Variants in MSI2 observed in about 807,000 individuals in gnomAD.
MSI2 encodes the protein musashi RNA binding protein 2, also known as RNA-binding protein Musashi homolog 2.
Under a neutral mutation model 45.6 loss-of-function variants are expected in MSI2, and 17 were observed. That is an observed-to-expected ratio of 0.37 (90% CI 0.26 to 0.56). MSI2 has a LOEUF of 0.56. Ranked by LOEUF, MSI2 falls within the 20% of genes least tolerant of loss-of-function variation. MSI2 has a pLI of 0.77. For synonymous variants in MSI2, 156 were observed against 158.2 expected (o/e 0.99, Z 0.11); for missense variants, 293 against 444.2 (o/e 0.66, Z 3.06).
At chr17:57,256,432 C>CGGGGAGGAG (rs1906712856), upstream of MSI2, 3 of 164,824 alleles carry the variant, frequency 1.8e-5, no homozygotes, top group Non-Finnish European at 2.3e-5. Flanking sequence ...CCACGTGCGC[C>CGGGGAGGAG]GGGGAGGAGG....
At chr17:57,594,733 G>A (rs192014920) in intron 7 of MSI2, among the ~76,000 whole-genome samples, 327 of 152,272 alleles carry the variant, frequency 2.1e-3, no homozygotes, top group Non-Finnish European at 3.3e-3. Context: ...TTCAAACCAC[G>A]TATCCTGTCG....
chr17:57,645,176 T>C (rs1010585118), intron 10 of MSI2, among the ~76,000 whole-genome samples: 1 of 152,094 alleles, frequency 6.6e-6, no homozygotes, highest in Non-Finnish European at 1.5e-5. Context: ...GAGACCCGGC[T>C]CCCACCCGAT....
chr17:57,294,721 C>A (rs1464731263), intron 5 of MSI2: 1 of 152,318 alleles, frequency 6.6e-6, no homozygotes, highest in Non-Finnish European at 1.5e-5. Flanking sequence ...TCCCGAAGGA[C>A]TTGGCGACTT....
downstream of MSI2, among the ~76,000 whole-genome samples, chr17:57,687,232 T>TC (rs1913904505): frequency 6.6e-6 from 1 of 151,886 alleles, no homozygotes; most frequent in Non-Finnish European, 1.5e-5. Context: ...ATGGAATTTT[T>TC]TTTGGGGGAG....
At chr17:57,480,946 G>A (rs1441850241) in intron 6 of MSI2, among the ~76,000 whole-genome samples, 1 of 152,198 alleles carries the variant, frequency 6.6e-6, no homozygotes, top group Non-Finnish European at 1.5e-5. Flanking sequence ...GAGTGGGTTT[G>A]TATTGCCAGT....
At position 57,615,686 on chromosome 17, in the gene MSI2, G is replaced by A. The variant is rs7211378; in HGVS notation, c.538-284G>A. Among the ~76,000 whole-genome samples the A allele has an allele frequency of 8.6e-3, 1,308 of 152,252 alleles. 20 individuals are homozygous for A. The highest frequency in any genetic ancestry group is 0.025 in the African/African-American group (1,038 of 41,542). On this transcript the variant is annotated intron_variant, in intron 8 of 13. Coordinates refer to ENST00000284073, the MANE Select transcript of MSI2 (RefSeq NM_138962.4). ...TCCTTATCTGTCATGCTTTCTGCAC[G>A]AGCGTCAGCCTGAGCTTCAATCTGT... is the stretch of plus-strand genomic sequence containing the variant.
chr17:57,410,515 GA>G (rs896494534), intron 6 of MSI2, among the ~76,000 whole-genome samples: 14 of 147,432 alleles, frequency 9.5e-5, no homozygotes, highest in East Asian at 3.9e-4. Flanking sequence ...TGTGTCTCTT[GA>G]AAAAAAAAAT....
At chr17:57,663,431 G>T (rs991495629) in intron 11 of MSI2, among the ~76,000 whole-genome samples, 1 of 152,164 alleles carries the variant, frequency 6.6e-6, no homozygotes, top group Non-Finnish European at 1.5e-5. Context: ...TTGTGTAGCC[G>T]GGAAAGGCAC....
At chr17:57,324,531 C>T (rs946973622) in intron 5 of MSI2, among the ~76,000 whole-genome samples, 8 of 152,192 alleles carry the variant, frequency 5.3e-5, no homozygotes, top group African/African-American at 9.7e-5. Flanking sequence ...AGTGGCTGTG[C>T]ATGTTGGCCC....
chr17:57,637,153 C>A (rs1310865633), intron 10 of MSI2, among the ~76,000 whole-genome samples: 1 of 152,218 alleles, frequency 6.6e-6, no homozygotes, highest in African/African-American at 2.4e-5. Flanking sequence ...GGCCAGCCCA[C>A]TCCTGCGCCA....
At position 57,494,843 on chromosome 17, in the gene MSI2, G is replaced by A. The variant is rs114278987; in HGVS notation, c.406-34833G>A. On this transcript the variant is annotated intron_variant, in intron 6 of 13. Transcript: ENST00000284073. ...CATGCTGGACACCAGGGATAAATCA[G>A]TGAACAGAACAGAAACGAATCCCGG... Among the ~76,000 whole-genome samples, 1,413 of 152,196 alleles carry A rather than the reference G, an allele frequency of 9.3e-3. 24 individuals carry two copies. The highest frequency in any genetic ancestry group is 0.032 in the African/African-American group (1,332 of 41,530).
chr17:57,469,312 T>C (rs2085389534), intron 6 of MSI2, among the ~76,000 whole-genome samples: 1 of 152,212 alleles, frequency 6.6e-6, no homozygotes, highest in Non-Finnish European at 1.5e-5. Flanking sequence ...AACCAATTAT[T>C]TTTCTTAACT....
chr17:57,386,659 G>C, intron 5 of MSI2, among the ~76,000 whole-genome samples: 1 of 152,122 alleles, frequency 6.6e-6, no homozygotes, highest in East Asian at 1.9e-4. Flanking sequence ...CCTCCATGCT[G>C]GAGGGGACAT....
intron 5 of MSI2, among the ~76,000 whole-genome samples, chr17:57,379,049 T>A (rs1203768174): frequency 6.6e-6 from 1 of 151,994 alleles, no homozygotes; most frequent in Non-Finnish European, 1.5e-5. Context: ...TTTGCTCTTT[T>A]GCGTGTGTTC....
At chr17:57,345,818 C>CA (rs10685506) in intron 5 of MSI2, among the ~76,000 whole-genome samples, 35,272 of 121,056 alleles carry the variant, frequency 0.29, 5,588 homozygotes, top group African/African-American at 0.46. Context: ...GACTCCGTCT[C>CA]AAAAAAAAAA....
chr17:57,375,370 G>A (rs567339487), intron 5 of MSI2, among the ~76,000 whole-genome samples: 21 of 152,336 alleles, frequency 1.4e-4, no homozygotes, highest in Admixed American at 3.9e-4. Context: ...GCCAGGAGCC[G>A]AGGAGAGGAA....
Position 57,683,032 on chromosome 17 carries a change from C to T in MSI2, c.*3515C>T, listed in dbSNP as rs140651400. The stretch of plus-strand genomic sequence containing the variant: ...CCTCGCGCTCTATACCAAACAGCCT[C>T]GCGCTCTATCCCAGTCGCCCATTAG... On this transcript the variant is annotated 3_prime_UTR_variant, in exon 14 of 14. Coordinates refer to ENST00000284073, the MANE Select transcript of MSI2 (RefSeq NM_138962.4). The surrounding 1 kb of genome is among the most constrained non-coding windows in gnomAD (Gnocchi z 5.2). The T allele has an allele frequency of 1.7e-5, 4 of 229,964 alleles. No individual in the cohort carries two copies. The highest frequency in any genetic ancestry group is 8.8e-5 in the African/African-American group (4 of 45,226). 14.2% of individuals were successfully genotyped at this position (229,964 alleles called of 1,614,324 possible).
rs563739864 is a variant in MSI2, at chr17:57,484,625, T to G, written c.406-45051T>G. 7.2e-5 allele frequency among the ~76,000 whole-genome samples: 11 copies of G among 152,354 alleles called. No homozygotes were observed. In the South Asian group the frequency reaches 2.3e-3, roughly 32 times the overall value. The stretch of plus-strand genomic sequence containing the variant: ...CATTCCTCTTCTTCCCTGTGGCCTC[T>G]GAAGAAAGCTGAGGCTTCTCAGAAA... On this transcript the variant is annotated intron_variant, in intron 6 of 13. Transcript: ENST00000284073.
At chr17:57,323,476 G>A (rs1913515308) in intron 5 of MSI2, among the ~76,000 whole-genome samples, 1 of 152,230 alleles carries the variant, frequency 6.6e-6, no homozygotes, top group South Asian at 2.1e-4. Context: ...AAAGATCCAG[G>A]TTCCCCATTC....
Sources: gnomAD v4.1 joint callset for allele counts (sites outside exome capture counted in the v4.1 genomes callset) on GRCh38, gnomAD v4.1.1 for gene constraint, Gnocchi (gnomAD v3.1) non-coding constraint, MANE v1.5 for transcripts, NCBI Gene and HGNC (gene_info 2026-07-23, HGNC 2026-07-21) for gene names.